The following AFF3 variants were observed in gnomAD, a reference collection of about 807,000 sequenced individuals.
AFF3 encodes AF4/FMR2 family member 3.
Under a neutral mutation model 129.7 loss-of-function variants are expected in AFF3, and 32 were observed. The observed-to-expected ratio is 0.25, with a 90% CI of 0.19 to 0.33. AFF3 has a LOEUF of 0.33. Among genes scored for constraint, AFF3 ranks in the 10% least tolerant of loss-of-function variants. The pLI is 1.00. For missense variants in AFF3, 1,373 were observed against 1,592.0 expected (o/e 0.86, Z 2.34); for synonymous variants, 644 against 635.4 (o/e 1.01, Z -0.20).
chr2:99,773,399 T>C (rs573230135), intron 8 of AFF3, among the ~76,000 whole-genome samples: 2 of 152,340 alleles, frequency 1.3e-5, no homozygotes, highest in African/African-American at 4.8e-5. Flanking sequence ...TAAACTCATA[T>C]AATTTTTTTT....
At chr2:99,969,660 G>T (rs1678152433) in intron 7 of AFF3, among the ~76,000 whole-genome samples, 1 of 151,596 alleles carries the variant, frequency 6.6e-6, no homozygotes, top group Non-Finnish European at 1.5e-5. Context: ...AGGTTTTGTT[G>T]TTGTTGTTGT....
At chr2:100,092,625 G>C (rs1040757914) in intron 4 of AFF3, among the ~76,000 whole-genome samples, 2 of 152,180 alleles carry the variant, frequency 1.3e-5, no homozygotes, top group African/African-American at 4.8e-5. Context: ...TTCCCAACCT[G>C]AATGCCAGGG....
At chr2:100,059,716 G>A (rs1168603345) in intron 4 of AFF3, among the ~76,000 whole-genome samples, 2 of 152,208 alleles carry the variant, frequency 1.3e-5, no homozygotes, top group African/African-American at 4.8e-5. Context: ...AAGGCATAAT[G>A]AGAAAAAGAG....
chr2:99,577,327 C>T (rs971517823), intron 18 of AFF3, among the ~76,000 whole-genome samples: 1 of 152,176 alleles, frequency 6.6e-6, no homozygotes, highest in African/African-American at 2.4e-5. Flanking sequence ...GTAGCCACCC[C>T]TGCATGGTGC....
chr2:99,579,133 C>T (rs540030877), intron 17 of AFF3, among the ~76,000 whole-genome samples: 10 of 152,294 alleles, frequency 6.6e-5, no homozygotes, highest in South Asian at 2.1e-4. Context: ...CGACTGGGCA[C>T]GGTGTCTCAC....
At chr2:99,663,838 A>C (rs1044116554) in intron 12 of AFF3, among the ~76,000 whole-genome samples, 1 of 152,194 alleles carries the variant, frequency 6.6e-6, no homozygotes, top group Admixed American at 6.5e-5. Context: ...TCTCCGAAAC[A>C]CTTGTCTGCA....
chr2:99,723,468 C>T (rs148509018), intron 11 of AFF3, among the ~76,000 whole-genome samples: 1 of 152,312 alleles, frequency 6.6e-6, no homozygotes, highest in African/African-American at 2.4e-5. Flanking sequence ...ATAGGCCTTA[C>T]TGAAGCCACA....
At position 99,551,478 on chromosome 2, in the gene AFF3, G is replaced by T; in HGVS notation, c.3677C>A (p.Ser1226Ter). The T allele has an allele frequency of 6.2e-7, 1 of 1,614,056 alleles. No homozygotes were observed. The highest frequency in any genetic ancestry group is 1.1e-5 in the South Asian group (1 of 91,040). The change falls in exon 25 of 25, where the codon TCA becomes TAA. Residue 1226 changes from serine to a stop codon, truncating the protein, a stop_gained. Transcript: ENST00000672756. LOFTEE classifies it high-confidence loss of function. ...LHWLRNSAHLS is the reference protein window; with the variant it reads ...LHWLRNSAHL ...TCTGGCCCCAGGGTGAGGTCCCTATGACAGGTGGGCGCTGTTCCGCAGCCA... is the reference window on the plus strand; with the variant it reads ...TCTGGCCCCAGGGTGAGGTCCCTATTACAGGTGGGCGCTGTTCCGCAGCCA...
At chr2:99,768,261 G>A (rs1260200121) in intron 8 of AFF3, among the ~76,000 whole-genome samples, 2 of 152,278 alleles carry the variant, frequency 1.3e-5, no homozygotes, top group Middle Eastern at 3.4e-3. Flanking sequence ...AGCAAATGCA[G>A]GAGAGTGAAA....
chr2:99,918,653 G>A (rs1695646938), intron 7 of AFF3, among the ~76,000 whole-genome samples: 1 of 152,186 alleles, frequency 6.6e-6, no homozygotes, highest in African/African-American at 2.4e-5. Context: ...TTCAATGACT[G>A]TTACAGTCAG....
chr2:99,922,472 T>G (rs1695926326), intron 7 of AFF3, among the ~76,000 whole-genome samples: 1 of 152,150 alleles, frequency 6.6e-6, no homozygotes. Context: ...GCCAGAAACT[T>G]AAGGCACATA....
At position 100,039,445 on chromosome 2, in the gene AFF3, C is replaced by T. The variant is rs140141784; in HGVS notation, c.54-30513G>A. ...TGGTGGCTTGTGCCTCTAGTGTCTG[C>T]TACTTGCGAGGCTGAGGCAAGAAGA... On this transcript the variant is annotated intron_variant, in intron 4 of 24. Coordinates refer to ENST00000672756, the MANE Select transcript of AFF3 (RefSeq NM_001386135.1). Among the ~76,000 whole-genome samples, 1,322 of 152,184 alleles carry T rather than the reference C, an allele frequency of 8.7e-3. 12 individuals are homozygous for T. The highest frequency in any genetic ancestry group is 0.015 in the Non-Finnish European group (989 of 67,996).
intron 4 of AFF3, among the ~76,000 whole-genome samples, 176 bp downstream of exon 4, chr2:100,104,226 G>A (rs1315008007): frequency 6.6e-6 from 1 of 151,602 alleles, no homozygotes; most frequent in Non-Finnish European, 1.5e-5. Flanking sequence ...CGGGCAGGCG[G>A]CCACGCATCC....
At chr2:99,703,169 G>C (rs1677033950) in intron 11 of AFF3, among the ~76,000 whole-genome samples, 1 of 152,228 alleles carries the variant, frequency 6.6e-6, no homozygotes, top group Admixed American at 6.5e-5. Flanking sequence ...TTCCTTCTGA[G>C]GCCTCTAGGA....
chr2:99,956,119 G>T, intron 7 of AFF3, among the ~76,000 whole-genome samples: 1 of 144,556 alleles, frequency 6.9e-6, no homozygotes, highest in African/African-American at 2.8e-5. Context: ...TCCTCATTTA[G>T]TCTTTTTTTT....
chr2:99,894,262 G>A (rs1693773311), intron 7 of AFF3, among the ~76,000 whole-genome samples: 1 of 151,690 alleles, frequency 6.6e-6, no homozygotes, highest in Admixed American at 6.6e-5. Context: ...GGCTACATGT[G>A]CATCTGCTTA....
intron 4 of AFF3, among the ~76,000 whole-genome samples, chr2:100,059,834 A>G (rs368945102): frequency 6.6e-6 from 1 of 152,240 alleles, no homozygotes; most frequent in African/African-American, 2.4e-5. Context: ...TCTGGCAGAG[A>G]GACTTTGCAA....
chr2:99,959,594 C>T (rs1031750454), intron 7 of AFF3, among the ~76,000 whole-genome samples: 3 of 150,830 alleles, frequency 2.0e-5, no homozygotes, highest in African/African-American at 7.3e-5. Context: ...CCTCACAATC[C>T]CTCTGTTACA....
chr2:100,135,530 G>C (rs1030632880), intron 1 of AFF3, among the ~76,000 whole-genome samples: 1 of 152,190 alleles, frequency 6.6e-6, no homozygotes, highest in East Asian at 1.9e-4. Flanking sequence ...CACATGAAGA[G>C]AGAGAGCGCC....
Sources: allele counts gnomAD v4.1 joint callset (sites outside exome capture counted in the v4.1 genomes callset), GRCh38; gene constraint gnomAD v4.1.1; transcripts MANE v1.5; gene names NCBI Gene and HGNC (gene_info 2026-07-23, HGNC 2026-07-21).